AP1G1: variants seen among roughly 807,000 people sequenced by gnomAD.
AP1G1 encodes AP-1 complex subunit gamma-1.
AP1G1 carries 7 observed loss-of-function variants against 108.3 expected under a neutral mutation model. That is an observed-to-expected ratio of 0.06 (90% CI 0.04 to 0.12). AP1G1 has a LOEUF of 0.12. Ranked by LOEUF, AP1G1 falls within the 10% of genes least tolerant of loss-of-function variation. AP1G1 has a pLI of 1.00. For synonymous variants in AP1G1, 379 were observed against 353.5 expected (o/e 1.07, Z -0.81); for missense variants, 756 against 1,010.7 (o/e 0.75, Z 3.42).
In AP1G1 at chr16:71,755,978, CCAAG is replaced by C. The variant is rs1456770926; in HGVS notation, c.1229+37_1229+40del. The C allele has an allele frequency of 1.9e-6, 3 of 1,586,752 alleles. No individual in the cohort carries two copies. In the South Asian group the frequency reaches 3.4e-5, roughly 18 times the overall value. On this transcript the variant is annotated intron_variant, in intron 12 of 22. Coordinates refer to ENST00000299980, the MANE Select transcript of AP1G1 (RefSeq NM_001128.6). ...TGTTTTAAAGACACTTCCAAAAGTT[CCAAG>C]CAGACTTTACCAATAAAGGTAAAAA...
chr16:71,729,520 T>C lies in AP1G1; in HGVS notation c.*3538A>G, dbSNP rs2045458856. 1.3e-5 allele frequency: 2 copies of C among 152,262 alleles called. No individual in the cohort carries two copies. The highest frequency in any genetic ancestry group is 1.3e-4 in the Admixed American group (2 of 15,250). 9.4% of individuals were successfully genotyped at this position (152,262 alleles called of 1,614,324 possible). Reference sequence around the variant, plus strand: ...AAGTCTGTAAAGCAACTGTGCAAGCTGCTTCGGCATTTCCTTCTGTTAAAG... The same window carrying C: ...AAGTCTGTAAAGCAACTGTGCAAGCCGCTTCGGCATTTCCTTCTGTTAAAG... On this transcript the variant is annotated 3_prime_UTR_variant, in exon 23 of 23. Transcript: ENST00000299980.
chr16:71,781,210 A>G (rs923957308), intron 2 of AP1G1, among the ~76,000 whole-genome samples: 3 of 152,224 alleles, frequency 2.0e-5, no homozygotes, highest in Non-Finnish European at 4.4e-5. Context: ...TTACAACTGC[A>G]CTACCACTAT....
intron 3 of AP1G1, 80 bp from the exon 4 acceptor site, chr16:71,773,442 T>C (rs1438421220): frequency 7.4e-7 from 1 of 1,355,172 alleles, no homozygotes; most frequent in Admixed American, 2.8e-5. Context: ...TAGTTCAGGA[T>C]GACTCAAGAT....
At chr16:71,745,389 T>C in intron 18 of AP1G1, 84 bp downstream of exon 18, 1 of 1,606,722 alleles carries the variant, frequency 6.2e-7, no homozygotes, top group Non-Finnish European at 8.5e-7. Context: ...CCCAGGAACA[T>C]TAAAGGGACT....
intron 2 of AP1G1, among the ~76,000 whole-genome samples, chr16:71,781,815 T>A (rs1364861562): frequency 6.6e-6 from 1 of 152,232 alleles, no homozygotes; most frequent in East Asian, 1.9e-4. Flanking sequence ...CATGTCTTTG[T>A]ATACTGGAAA....
chr16:71,778,318 T>C (rs1002889594), intron 2 of AP1G1, among the ~76,000 whole-genome samples: 1 of 152,160 alleles, frequency 6.6e-6, no homozygotes, highest in Non-Finnish European at 1.5e-5. Context: ...CAGTGATGGA[T>C]TAACTCTGAT....
chr16:71,736,112 A>AAC (rs1567638606), intron 21 of AP1G1, among the ~76,000 whole-genome samples: 1 of 76,748 alleles, frequency 1.3e-5, no homozygotes, highest in African/African-American at 5.6e-5. Flanking sequence ...AAAAAAAAAA[A>AAC]AAAAAATATA....
At chr16:71,764,576 T>C (rs774119071) in intron 8 of AP1G1, 70 bp downstream of exon 8, 9 of 1,342,880 alleles carry the variant, frequency 6.7e-6, no homozygotes, top group Middle Eastern at 3.7e-4. Flanking sequence ...AACTGCTCCA[T>C]ATAACCATAA....
At chr16:71,743,801 CCAGGCGCAGTAG>C (rs753042981) in intron 19 of AP1G1, among the ~76,000 whole-genome samples, 27 of 151,028 alleles carry the variant, frequency 1.8e-4, no homozygotes, top group Non-Finnish European at 3.5e-4. Context: ...CAAAAATTAG[CCAGGCGCAGTAG>C]CAGGCGCCTG....
In AP1G1 at chr16:71,794,835, C is replaced by CTT. The variant is rs55761928; in HGVS notation, c.-3-5355_-3-5354dup. Among the ~76,000 whole-genome samples, 89 of 39,644 alleles carry CTT rather than the reference C, an allele frequency of 2.2e-3. 4 individuals are homozygous for CTT. Among genetic ancestry groups the CTT allele is most frequent in the African/African-American group, 8.2e-3 (78 of 9,538 alleles). 26.0% of individuals were successfully genotyped at this position (39,644 alleles called of 152,430 possible). On this transcript the variant is annotated intron_variant, in intron 1 of 22. Coordinates refer to ENST00000299980, the MANE Select transcript of AP1G1 (RefSeq NM_001128.6). ...TACCATTCTCAGGCCATGAGAAGTG[C>CTT]TTTTTTTTTTTTTTTTTTTTTTTTT...
intron 1 of AP1G1, among the ~76,000 whole-genome samples, chr16:71,796,018 C>T (rs1442869147): frequency 1.3e-5 from 2 of 152,202 alleles, no homozygotes; most frequent in East Asian, 1.9e-4. Flanking sequence ...AGGTAGACTG[C>T]TCAAGTCCAG....
At chr16:71,786,937 G>A (rs1408681313) in intron 2 of AP1G1, among the ~76,000 whole-genome samples, 2 of 151,492 alleles carry the variant, frequency 1.3e-5, no homozygotes, top group South Asian at 4.2e-4. Flanking sequence ...GTTCCCAGAA[G>A]GTCGAGGCTG....
chr16:71,757,880 T>A (rs1597052243), intron 11 of AP1G1, among the ~76,000 whole-genome samples: 1 of 152,340 alleles, frequency 6.6e-6, no homozygotes, highest in Middle Eastern at 3.4e-3. Context: ...AGGTTTAGGT[T>A]AAGTCATTTG....
At chr16:71,739,435 G>A in intron 19 of AP1G1, 94 bp from the exon 20 acceptor site, 3 of 983,640 alleles carry the variant, frequency 3.0e-6, no homozygotes, top group South Asian at 1.9e-5. Context: ...CTCAGGTTAA[G>A]GAAAGATTCC....
intron 2 of AP1G1, among the ~76,000 whole-genome samples, chr16:71,785,838 C>T (rs1217457149): frequency 1.3e-5 from 2 of 151,812 alleles, no homozygotes; most frequent in African/African-American, 4.8e-5. Flanking sequence ...GCTGAGATCA[C>T]ACCATTGCAC....
At chr16:71,803,499 C>T (rs537817656) in intron 1 of AP1G1, among the ~76,000 whole-genome samples, 1 of 152,146 alleles carries the variant, frequency 6.6e-6, no homozygotes, top group Admixed American at 6.6e-5. Flanking sequence ...TGACTCAACA[C>T]ATTTGGCAAG....
intron 1 of AP1G1, among the ~76,000 whole-genome samples, chr16:71,796,730 C>T (rs2032598965): frequency 1.3e-5 from 2 of 152,128 alleles, no homozygotes; most frequent in Admixed American, 1.3e-4. Context: ...GACTTAAGTT[C>T]AATTCTCCCT....
intron 2 of AP1G1, chr16:71,777,897 C>G (rs2031852786): frequency 4.8e-6 from 1 of 209,732 alleles, no homozygotes; most frequent in Admixed American, 5.4e-5. Flanking sequence ...GGGCCCTGGA[C>G]AGTGGAGGGC....
At chr16:71,757,878 G>T (rs984241130) in intron 11 of AP1G1, among the ~76,000 whole-genome samples, 1 of 152,150 alleles carries the variant, frequency 6.6e-6, no homozygotes, top group Non-Finnish European at 1.5e-5. Context: ...TAAGGTTTAG[G>T]TTAAGTCATT....
Sources: gnomAD v4.1 joint callset for allele counts (sites outside exome capture counted in the v4.1 genomes callset) on GRCh38, gnomAD v4.1.1 for gene constraint, MANE v1.5 for transcripts, NCBI Gene and HGNC (gene_info 2026-07-23, HGNC 2026-07-21) for gene names.